GABRB1: variants seen among roughly 807,000 people sequenced by gnomAD.
GABRB1 encodes gamma-aminobutyric acid type A receptor subunit beta1.
In GABRB1, 17 loss-of-function variants were observed where a neutral mutation model predicts 51.6. That is an observed-to-expected ratio of 0.33 (90% confidence interval 0.23 to 0.49). GABRB1 has a LOEUF of 0.49. GABRB1 is among the 20% of genes least tolerant of loss of function. The pLI, the probability that GABRB1 is intolerant of heterozygous loss-of-function variation, is 0.99. For missense variants in GABRB1, 410 were observed against 600.6 expected (o/e 0.68, Z 3.32); for synonymous variants, 247 against 218.9 (o/e 1.13, Z -1.14).
At chr4:47,399,896 G>A (rs1728321174) in intron 5 of GABRB1, among the ~76,000 whole-genome samples, 1 of 152,132 alleles carries the variant, frequency 6.6e-6, no homozygotes, top group Admixed American at 6.6e-5. Flanking sequence ...TTACACCCTT[G>A]GAGTTTAGGA....
Position 47,077,003 on chromosome 4 carries a change from A to G in GABRB1, c.240+44519A>G, listed in dbSNP as rs568737126. 2.0e-4 allele frequency among the ~76,000 whole-genome samples: 31 copies of G among 152,346 alleles called. No individual in the cohort carries two copies. The South Asian group carries it at 6.2e-3, about 31-fold the overall frequency. On this transcript the variant is annotated intron_variant, in intron 3 of 8. Coordinates refer to ENST00000295454, the MANE Select transcript of GABRB1 (RefSeq NM_000812.4). ...ATAGGCTAGGCTATAAAATCACATCAGTGGCAATACCATCTGCCAAGTCAA... is the reference window on the plus strand; with the variant it reads ...ATAGGCTAGGCTATAAAATCACATCGGTGGCAATACCATCTGCCAAGTCAA...
chr4:47,039,094 C>T (rs918063694), intron 3 of GABRB1, among the ~76,000 whole-genome samples: 4 of 151,806 alleles, frequency 2.6e-5, no homozygotes, highest in Non-Finnish European at 5.9e-5. Flanking sequence ...AAAATGTTTA[C>T]GATTAATTCA....
At chr4:47,336,372 G>A (rs1725696443) in intron 5 of GABRB1, among the ~76,000 whole-genome samples, 2 of 152,140 alleles carry the variant, frequency 1.3e-5, no homozygotes, top group Non-Finnish European at 1.5e-5. Context: ...ACACAAGCAT[G>A]GCAATGATTA....
intron 5 of GABRB1, among the ~76,000 whole-genome samples, chr4:47,377,116 A>G (rs1038838775): frequency 3.3e-5 from 5 of 152,172 alleles, no homozygotes; most frequent in African/African-American, 9.7e-5. Context: ...CATAGTAGAT[A>G]CGCAGTGAAT....
chr4:47,000,504 A>G (rs1453087537), intron 1 of GABRB1, among the ~76,000 whole-genome samples: 2 of 152,018 alleles, frequency 1.3e-5, no homozygotes, highest in Non-Finnish European at 2.9e-5. Context: ...AATTTATGAT[A>G]CTCTTTCACA....
At chr4:47,029,342 A>C (rs1479487777), upstream of GABRB1, among the ~76,000 whole-genome samples, 1 of 151,980 alleles carries the variant, frequency 6.6e-6, no homozygotes, top group East Asian at 1.9e-4. Context: ...TAAGTTTTGC[A>C]TATCTCATGA....
intron 4 of GABRB1, among the ~76,000 whole-genome samples, chr4:47,225,534 G>A (rs903931310): frequency 5.9e-5 from 9 of 151,868 alleles, no homozygotes; most frequent in African/African-American, 2.2e-4. Flanking sequence ...TTTTTTTATT[G>A]AGACGAGATT....
At chr4:47,293,292 C>A (rs1333835674) in intron 4 of GABRB1, among the ~76,000 whole-genome samples, 1 of 152,028 alleles carries the variant, frequency 6.6e-6, no homozygotes, top group Non-Finnish European at 1.5e-5. Flanking sequence ...CAGGCATGTG[C>A]CATAATGCTT....
At chr4:47,183,473 A>C (rs1465548662) in intron 4 of GABRB1, among the ~76,000 whole-genome samples, 1 of 150,716 alleles carries the variant, frequency 6.6e-6, no homozygotes, top group Non-Finnish European at 1.5e-5. Flanking sequence ...GTACTTCCAC[A>C]CTTAATTTAA....
intron 4 of GABRB1, among the ~76,000 whole-genome samples, chr4:47,191,986 A>C (rs948648985): frequency 6.6e-6 from 1 of 152,150 alleles, no homozygotes; most frequent in Non-Finnish European, 1.5e-5. Context: ...CCATTTAAAG[A>C]CTTTAAAGCA....
At chr4:47,039,456 A>G (rs1327231791) in intron 3 of GABRB1, among the ~76,000 whole-genome samples, 1 of 151,564 alleles carries the variant, frequency 6.6e-6, no homozygotes, top group Admixed American at 6.6e-5. Flanking sequence ...TAAAGTTTCC[A>G]ATCATGAAGT....
intron 4 of GABRB1, among the ~76,000 whole-genome samples, chr4:47,275,979 T>C (rs544662886): frequency 6.6e-6 from 1 of 152,290 alleles, no homozygotes; most frequent in African/African-American, 2.4e-5. Context: ...CAAAGCAAAC[T>C]GATTACCATA....
intron 4 of GABRB1, among the ~76,000 whole-genome samples, chr4:47,308,601 T>C (rs757033724): frequency 6.6e-6 from 1 of 152,096 alleles, no homozygotes; most frequent in Admixed American, 6.6e-5. Flanking sequence ...TACCTTTCAG[T>C]AAATGTGTCT....
chr4:47,376,533 G>C lies in GABRB1; in HGVS notation c.545-26785G>C, dbSNP rs1359937587. Among the ~76,000 whole-genome samples the C allele has an allele frequency of 3.9e-5, 6 of 152,344 alleles. No homozygotes were observed. The South Asian group carries it at 1.0e-3, about 26-fold the overall frequency. ...CTAGTGGCGGCCGCCTGTAGTCCCAGCTACTTGGGGGGCTGAGGCAGGAGA... is the reference window on the plus strand; with the variant it reads ...CTAGTGGCGGCCGCCTGTAGTCCCACCTACTTGGGGGGCTGAGGCAGGAGA... On this transcript the variant is annotated intron_variant, in intron 5 of 8. Coordinates refer to ENST00000295454, the MANE Select transcript of GABRB1 (RefSeq NM_000812.4).
At chr4:47,385,895 A>G (rs555323589) in intron 5 of GABRB1, among the ~76,000 whole-genome samples, 2 of 152,320 alleles carry the variant, frequency 1.3e-5, no homozygotes, top group South Asian at 2.1e-4. Flanking sequence ...CTACTGGTTT[A>G]TACAACTCAG....
At chr4:47,276,345 T>G (rs886856354) in intron 4 of GABRB1, among the ~76,000 whole-genome samples, 2 of 152,130 alleles carry the variant, frequency 1.3e-5, no homozygotes, top group Admixed American at 1.3e-4. Context: ...GCAAAGAATT[T>G]TATGTTTTTC....
chr4:47,325,225 A>G (rs1251688296), intron 5 of GABRB1, among the ~76,000 whole-genome samples: 1 of 152,192 alleles, frequency 6.6e-6, no homozygotes, highest in Non-Finnish European at 1.5e-5. Flanking sequence ...TCACAAGGTC[A>G]GGAGTTCAAG....
In GABRB1 at chr4:47,255,070, A is replaced by G. The variant is rs114981625; in HGVS notation, c.462-65057A>G. Among the ~76,000 whole-genome samples, 3 of 152,200 alleles carry G rather than the reference A, an allele frequency of 2.0e-5. No individual in the cohort carries two copies. In the East Asian group the frequency reaches 5.8e-4, roughly 29 times the overall value. ...AATCCTTGAGAAAAAGAATTCAGGT[A>G]ATTGCTTTCTCTGTATTTCAAAGAT... On this transcript the variant is annotated intron_variant, in intron 4 of 8. Transcript: ENST00000295454.
chr4:47,408,850 C>T (rs561590000), intron 8 of GABRB1, among the ~76,000 whole-genome samples: 12 of 152,056 alleles, frequency 7.9e-5, no homozygotes, highest in East Asian at 5.8e-4. Flanking sequence ...TGATAAGTCA[C>T]GAGGGAAAAC....
Sources: gnomAD v4.1 joint callset for allele counts (sites outside exome capture counted in the v4.1 genomes callset) on GRCh38, gnomAD v4.1.1 for gene constraint, MANE v1.5 for transcripts, NCBI Gene and HGNC (gene_info 2026-07-23, HGNC 2026-07-21) for gene names.